KHDRBS2: variants seen among roughly 807,000 people sequenced by gnomAD.
KHDRBS2 encodes KH domain-containing, RNA-binding, signal transduction-associated protein 2.
Under a neutral mutation model 44.3 loss-of-function variants are expected in KHDRBS2, and 26 were observed. The observed-to-expected ratio is 0.59, with a 90% CI of 0.43 to 0.81. The LOEUF (loss-of-function observed/expected upper bound fraction) is 0.81, where lower values mean the gene tolerates loss of function less well. Among genes scored for constraint, KHDRBS2 ranks in the 40% least tolerant of loss-of-function variants. The probability of loss-of-function intolerance (pLI) is 0.00; values close to 1 mark genes in which losing one functional copy is unlikely to be tolerated. For missense variants in KHDRBS2, 476 were observed against 433.1 expected, an observed-to-expected ratio of 1.10 and a Z score of -0.88; for synonymous variants, 194 against 151.1, an observed-to-expected ratio of 1.28 and a Z score of -2.08.
chr6:62,053,473 T>A (rs1213341398), intron 2 of KHDRBS2, among the ~76,000 whole-genome samples: 1 of 152,030 alleles, frequency 6.6e-6, no homozygotes, highest in Admixed American at 6.6e-5. Flanking sequence ...ACAAGTATTT[T>A]AAGATTTATA....
chr6:62,231,092 A>G (rs1181961727), intron 1 of KHDRBS2, among the ~76,000 whole-genome samples: 1 of 152,186 alleles, frequency 6.6e-6, no homozygotes, highest in Non-Finnish European at 1.5e-5. Flanking sequence ...GCAGATTTTC[A>G]TTTAATATAA....
chr6:62,253,542 T>C (rs1005246695), intron 1 of KHDRBS2, among the ~76,000 whole-genome samples: 1 of 151,932 alleles, frequency 6.6e-6, no homozygotes, highest in Non-Finnish European at 1.5e-5. Flanking sequence ...AAATGCAAGT[T>C]GTACAGTTTG....
chr6:62,018,790 A>G (rs1831903716), intron 3 of KHDRBS2, among the ~76,000 whole-genome samples: 2 of 152,146 alleles, frequency 1.3e-5, no homozygotes, highest in African/African-American at 2.4e-5. Flanking sequence ...TTTTTATATC[A>G]TTTACTGATT....
rs78085899 is a variant in KHDRBS2, at chr6:61,908,866, G to C, written c.484-7495C>G. On this transcript the variant is annotated intron_variant, in intron 4 of 8. Coordinates refer to ENST00000281156, the MANE Select transcript of KHDRBS2 (RefSeq NM_152688.4). ...TTCCACACTTCAAATAGTAAAGAATGCTTTACTGTTTTGGCATATACCTGC... is the reference window on the plus strand; with the variant it reads ...TTCCACACTTCAAATAGTAAAGAATCCTTTACTGTTTTGGCATATACCTGC... 2.3e-3 allele frequency among the ~76,000 whole-genome samples: 356 copies of C among 152,124 alleles called. 15 individuals carry two copies. In the East Asian group the frequency reaches 0.062, roughly 27 times the overall value.
intron 3 of KHDRBS2, among the ~76,000 whole-genome samples, chr6:62,021,979 C>T (rs1383253955): frequency 6.7e-6 from 1 of 148,370 alleles, no homozygotes; most frequent in African/African-American, 2.5e-5. Context: ...TATACACACA[C>T]TATATATATT....
intron 3 of KHDRBS2, among the ~76,000 whole-genome samples, chr6:62,042,469 G>A (rs1345704763): frequency 2.0e-5 from 3 of 151,988 alleles, no homozygotes; most frequent in Non-Finnish European, 4.4e-5. Context: ...TGATTTTGTA[G>A]GATTATAAAC....
In KHDRBS2 at chr6:61,762,344, T is replaced by TAATA. The variant is rs755674533; in HGVS notation, c.811-29584_811-29581dup. Among the ~76,000 whole-genome samples the TAATA allele has an allele frequency of 4.6e-5, 7 of 152,328 alleles. No homozygotes were observed. The East Asian group carries it at 1.2e-3, about 25-fold the overall frequency. ...CAGAACAGGGATGGATTGTAGCCAG[T>TAATA]AATATAGTTTGGATATTTGAGCCTT... On this transcript the variant is annotated intron_variant, in intron 6 of 8. Transcript: ENST00000281156.
At chr6:62,252,174 T>C (rs1396175341) in intron 1 of KHDRBS2, among the ~76,000 whole-genome samples, 1 of 151,904 alleles carries the variant, frequency 6.6e-6, no homozygotes, top group Admixed American at 6.6e-5. Context: ...CATTGCTTGA[T>C]GATACCACTC....
At chr6:61,956,643 T>A in intron 4 of KHDRBS2, among the ~76,000 whole-genome samples, 1 of 152,144 alleles carries the variant, frequency 6.6e-6, no homozygotes, top group Admixed American at 6.5e-5. Flanking sequence ...GTCTAGTGTT[T>A]AAAAAATGAG....
intron 3 of KHDRBS2, among the ~76,000 whole-genome samples, chr6:62,019,507 C>T (rs550675833): frequency 2.0e-4 from 30 of 152,036 alleles, no homozygotes; most frequent in African/African-American, 7.2e-4. Context: ...TCTGGTATAT[C>T]TTGTGTAGAA....
intron 1 of KHDRBS2, among the ~76,000 whole-genome samples, chr6:62,227,500 T>G (rs892655733): frequency 2.6e-5 from 4 of 152,156 alleles, no homozygotes; most frequent in African/African-American, 4.8e-5. Flanking sequence ...CTCTTCCTAT[T>G]TGAATGCCAA....
At chr6:61,943,004 AAG>A (rs60408267) in intron 4 of KHDRBS2, among the ~76,000 whole-genome samples, 31,092 of 142,680 alleles carry the variant, frequency 0.22, 3,719 homozygotes, top group Admixed American at 0.28. Context: ...GAAAGAAAGA[AAG>A]AGAGAGAGAG....
intron 1 of KHDRBS2, among the ~76,000 whole-genome samples, chr6:62,218,095 T>A (rs517128): frequency 3.3e-5 from 5 of 151,462 alleles, no homozygotes; most frequent in Non-Finnish European, 1.5e-5. Context: ...ACAAAGGGAC[T>A]GCACAGCATG....
intron 1 of KHDRBS2, among the ~76,000 whole-genome samples, chr6:62,183,857 C>T (rs1360776846): frequency 6.6e-6 from 1 of 151,548 alleles, no homozygotes; most frequent in Non-Finnish European, 1.5e-5. Context: ...CCTAACTTTT[C>T]TTTACGAATA....
At chr6:62,201,919 T>C (rs943370645) in intron 1 of KHDRBS2, among the ~76,000 whole-genome samples, 2 of 152,050 alleles carry the variant, frequency 1.3e-5, no homozygotes, top group Non-Finnish European at 2.9e-5. Context: ...GAAATATATC[T>C]CCTGGATTTC....
In KHDRBS2 at chr6:61,681,046, C is replaced by T; in HGVS notation, c.967G>A (p.Ala323Thr). 1 of 1,610,966 alleles carries T rather than the reference C, an allele frequency of 6.2e-7. No individual in the cohort carries two copies. The highest frequency in any genetic ancestry group is 1.1e-5 in the South Asian group (1 of 90,998). Residue 323 changes from alanine (A) to threonine (T), a missense_variant, in exon 9 of 9, where the codon GCC becomes ACC. By Grantham distance (58) the Ala-to-Thr change is moderately conservative. Transcript: ENST00000281156. The stretch of plus-strand genomic sequence containing the variant: ...GCCTTCAAGCTAGAGCGGGTTGTGG[C>T]CCATTCTTCTGGTGCTGTGAAAAAG... ...AYDSYAPEEW[A>T]TTRSSLKAPP... is the part of the protein sequence containing the mutation.
chr6:61,646,121 C>T, the KHDRBS2 span, among the ~76,000 whole-genome samples: 2 of 152,174 alleles, frequency 1.3e-5, no homozygotes, highest in Non-Finnish European at 2.9e-5. Context: ...ATATAAAGTA[C>T]TTAGAACTGC....
chr6:62,134,951 C>G (rs1010671640), intron 2 of KHDRBS2, among the ~76,000 whole-genome samples: 2 of 152,138 alleles, frequency 1.3e-5, no homozygotes, highest in African/African-American at 2.4e-5. Context: ...CTTGCCTTGT[C>G]TCAGATGAGA....
At chr6:61,668,491 A>G in the KHDRBS2 span, among the ~76,000 whole-genome samples, 1 of 151,212 alleles carries the variant, frequency 6.6e-6, no homozygotes, top group Non-Finnish European at 1.5e-5. Context: ...GACAGAAAAA[A>G]GAAGCTCCAG....
Sources: gnomAD v4.1 joint callset for allele counts (sites outside exome capture counted in the v4.1 genomes callset) on GRCh38, gnomAD v4.1.1 for gene constraint, MANE v1.5 for transcripts, NCBI Gene and HGNC (gene_info 2026-07-23, HGNC 2026-07-21) for gene names.